Variants in CEP63 observed in about 807,000 individuals in gnomAD.
CEP63 encodes the protein centrosomal protein of 63 kDa.
In CEP63, 84 loss-of-function variants were observed where a neutral mutation model predicts 89.1. The ratio of observed to expected loss-of-function variants is 0.94; its 90% CI spans 0.79 to 1.13. CEP63 has a LOEUF of 1.13. Among genes scored for constraint, CEP63 ranks in the 50% most tolerant of loss-of-function variants. CEP63 has a pLI of 0.00. For missense variants in CEP63, 838 were observed against 813.3 expected (o/e 1.03, Z -0.37); for synonymous variants, 267 against 272.5 (o/e 0.98, Z 0.20).
the CEP63 span, chr3:134,651,445 TGA>T: frequency 2.0e-6 from 2 of 1,022,536 alleles, no homozygotes; most frequent in Non-Finnish European, 2.3e-6. Context: ...CTGTCAACAT[TGA>T]GAGTAGATTC....
At chr3:134,720,018 C>G in the CEP63 span, among the ~76,000 whole-genome samples, 1 of 152,054 alleles carries the variant, frequency 6.6e-6, no homozygotes, top group Non-Finnish European at 1.5e-5. Flanking sequence ...TGTATGGTAA[C>G]CCTACATTTA....
At chr3:134,603,687 C>T in the CEP63 span, 4 of 1,613,928 alleles carry the variant, frequency 2.5e-6, no homozygotes, top group Admixed American at 1.7e-5. Flanking sequence ...TGCAGCTTCC[C>T]TCCCAGTAGC....
the CEP63 span, among the ~76,000 whole-genome samples, chr3:134,691,788 C>T: frequency 1.3e-5 from 2 of 151,678 alleles, no homozygotes; most frequent in African/African-American, 2.4e-5. Context: ...GGTATGATCT[C>T]GGCTCACTGC....
At chr3:134,708,401 C>T in the CEP63 span, among the ~76,000 whole-genome samples, 1 of 152,192 alleles carries the variant, frequency 6.6e-6, no homozygotes, top group African/African-American at 2.4e-5. Context: ...AGGAAATGAG[C>T]AAGAAGTCTG....
chr3:134,524,108 G>T (rs1158609815), intron 3 of CEP63, among the ~76,000 whole-genome samples: 3 of 151,930 alleles, frequency 2.0e-5, no homozygotes, highest in Non-Finnish European at 4.4e-5. Flanking sequence ...TCACCTCCCT[G>T]GTTAGCTATA....
the CEP63 span, among the ~76,000 whole-genome samples, chr3:134,711,853 C>A: frequency 2.0e-5 from 3 of 151,726 alleles, no homozygotes; most frequent in Non-Finnish European, 4.4e-5. Flanking sequence ...ACCTCTGCCC[C>A]CTGGGTTCAA....
chr3:134,547,627 T>TTTTTTTTTTTTTTTTTTTTTTTTTG (rs1953790874), intron 9 of CEP63, among the ~76,000 whole-genome samples, 155 bp downstream of exon 9: 1 of 124,796 alleles, frequency 8.0e-6, no homozygotes, highest in Admixed American at 8.1e-5. Context: ...TTTTTTTTTT[T>TTTTTTTTTTTTTTTTTTTTTTTTTG]TTGAGACGGA....
At chr3:134,757,745 C>T in the CEP63 span, among the ~76,000 whole-genome samples, 5,600 of 152,090 alleles carry the variant, frequency 0.037, 343 homozygotes, top group African/African-American at 0.13. Flanking sequence ...TTGTAACTGA[C>T]GAGTCTGGTT....
the CEP63 span, among the ~76,000 whole-genome samples, chr3:134,723,822 C>A: frequency 6.6e-6 from 1 of 152,184 alleles, no homozygotes; most frequent in Admixed American, 6.5e-5. Context: ...TGGGGCATAT[C>A]TGGTGGACAA....
the CEP63 span, chr3:134,643,248 G>C: frequency 6.7e-7 from 1 of 1,486,892 alleles, no homozygotes; most frequent in Non-Finnish European, 9.3e-7. Flanking sequence ...CTGGGCTGTC[G>C]CTGGCCAGAG....
chr3:134,751,190 T>C, the CEP63 span, among the ~76,000 whole-genome samples: 6 of 152,228 alleles, frequency 3.9e-5, no homozygotes, highest in Admixed American at 6.5e-5. Context: ...TATAATTATT[T>C]AAAAGTCCAT....
At chr3:134,533,740 C>T (rs1470476224) in intron 5 of CEP63, among the ~76,000 whole-genome samples, 1 of 152,278 alleles carries the variant, frequency 6.6e-6, no homozygotes, top group East Asian at 1.9e-4. Context: ...GTATCCAGCT[C>T]CCCTAGCTTA....
chr3:134,683,237 G>A, the CEP63 span, among the ~76,000 whole-genome samples: 1 of 152,210 alleles, frequency 6.6e-6, no homozygotes, highest in Non-Finnish European at 1.5e-5. Flanking sequence ...ATTAAACTTT[G>A]TAAAGTTATA....
At chr3:134,539,040 T>A (rs902888382) in intron 6 of CEP63, among the ~76,000 whole-genome samples, 12 of 152,186 alleles carry the variant, frequency 7.9e-5, no homozygotes, top group African/African-American at 2.2e-4. Context: ...CCTAAAACTG[T>A]CTGATTGTTT....
chr3:134,746,498 C>T, the CEP63 span, among the ~76,000 whole-genome samples: 1 of 152,220 alleles, frequency 6.6e-6, no homozygotes, highest in Admixed American at 6.5e-5. Flanking sequence ...AATCGCCACA[C>T]TGTATTCCAC....
intron 6 of CEP63, among the ~76,000 whole-genome samples, chr3:134,542,329 G>A (rs542310166): frequency 2.6e-5 from 4 of 152,136 alleles, no homozygotes; most frequent in Non-Finnish European, 2.9e-5. Flanking sequence ...TTGATCTGTT[G>A]TCTTGGTAGA....
At chr3:134,504,776 G>A (rs924979851) in intron 2 of CEP63, among the ~76,000 whole-genome samples, 1 of 152,090 alleles carries the variant, frequency 6.6e-6, no homozygotes, top group South Asian at 2.1e-4. Flanking sequence ...CATATGCCAT[G>A]TAGGCTTTCT....
intron 1 of CEP63, among the ~76,000 whole-genome samples, chr3:134,490,387 C>T (rs1937197291): frequency 6.6e-6 from 1 of 151,882 alleles, no homozygotes; most frequent in African/African-American, 2.4e-5. Flanking sequence ...AGTTAACAGG[C>T]TATTTTATTA....
chr3:134,610,893 G>T, the CEP63 span, among the ~76,000 whole-genome samples: 1 of 152,212 alleles, frequency 6.6e-6, no homozygotes, highest in African/African-American at 2.4e-5. Context: ...GTGTTGTGGG[G>T]TTGCTGGTTG....
Sources: allele counts gnomAD v4.1 joint callset (sites outside exome capture counted in the v4.1 genomes callset), GRCh38; gene constraint gnomAD v4.1.1; transcripts MANE v1.5; gene names NCBI Gene and HGNC (gene_info 2026-07-23, HGNC 2026-07-21).